HNRNPA3: variants seen among roughly 807,000 people sequenced by gnomAD.
The protein encoded by HNRNPA3 is heterogeneous nuclear ribonucleoprotein A3, also known as epididymis secretory sperm binding protein.
In HNRNPA3, 3 loss-of-function variants were observed where a neutral mutation model predicts 45.8. The ratio of observed to expected loss-of-function variants is 0.07; its 90% confidence interval spans 0.03 to 0.17. The LOEUF is 0.17. Ranked by LOEUF, HNRNPA3 falls within the 10% of genes least tolerant of loss-of-function variation. The pLI is 1.00. For synonymous variants in HNRNPA3, 170 were observed against 155.6 expected, an observed-to-expected ratio of 1.09 and a Z score of -0.69; for missense variants, 183 against 480.3, an observed-to-expected ratio of 0.38 and a Z score of 5.79.
chr2:177,216,900 T>TGGA (rs1389956504), exon 7 of HNRNPA3: 1 of 1,594,402 alleles, frequency 6.3e-7, no homozygotes, highest in African/African-American at 1.4e-5. Flanking sequence ...GAGGTAGTTA[T>TGGA]GGAGGAGGTG....
chr2:177,219,313 G>C (rs1689090345), exon 10 of HNRNPA3: 12 of 1,605,646 alleles, frequency 7.5e-6, no homozygotes, highest in Admixed American at 5.1e-5. Context: ...CAGCAGAAAA[G>C]GGTAGGTATC....
chr2:177,216,634 T>C (rs1688950124), intron 5 of HNRNPA3, 42 bp downstream of exon 5: 1 of 1,612,152 alleles, frequency 6.2e-7, no homozygotes. Context: ...ATATGAGTGG[T>C]GTTTGTAAGG....
At chr2:177,217,638 C>A (rs1689002371) in intron 7 of HNRNPA3, 67 bp from the exon 8 acceptor site, 2 of 1,589,066 alleles carry the variant, frequency 1.3e-6, no homozygotes, top group Non-Finnish European at 1.7e-6. Context: ...TACACACACA[C>A]CAGAATTGAA....
intron 1 of HNRNPA3, among the ~76,000 whole-genome samples, chr2:177,214,566 C>T (rs1216967567): frequency 6.6e-6 from 1 of 152,128 alleles, no homozygotes; most frequent in Admixed American, 6.5e-5. Context: ...GAGGCCGAGG[C>T]GGGCGGATCA....
In HNRNPA3 at chr2:177,219,027, C is replaced by T. The variant is rs1376363104; in HGVS notation, c.962-10C>T. ...TAGGTAAACCACACATAAAACCTTTCTGATTTCAGGTAACTATGGTGGTGG... is the reference window on the plus strand; with the variant it reads ...TAGGTAAACCACACATAAAACCTTTTTGATTTCAGGTAACTATGGTGGTGG... On this transcript the variant is annotated splice_polypyrimidine_tract_variant and intron_variant, in intron 8 of 10. Transcript: ENST00000392524. The T allele has an allele frequency of 1.2e-6, 2 of 1,612,156 alleles. No individual in the cohort carries two copies. The highest frequency in any genetic ancestry group is 1.7e-5 in the Admixed American group (1 of 59,734).
downstream of HNRNPA3, chr2:177,223,072 A>G (rs965273417): frequency 2.6e-5 from 4 of 152,646 alleles, no homozygotes; most frequent in Non-Finnish European, 5.9e-5. Flanking sequence ...ACTTAAAAAA[A>G]AAAATCCTTT....
downstream of HNRNPA3, chr2:177,223,361 T>G (rs2105443774): frequency 6.6e-6 from 1 of 152,208 alleles, no homozygotes; most frequent in African/African-American, 2.4e-5. Context: ...TTGTCGTTTC[T>G]GAAAACTACA....
At chr2:177,221,820 C>T (rs1689196984), downstream of HNRNPA3, 1 of 152,650 alleles carries the variant, frequency 6.6e-6, no homozygotes, top group Admixed American at 6.5e-5. Flanking sequence ...TAGTGAGCAA[C>T]TTTCCAAAAG....
At chr2:177,217,066 C>A in intron 7 of HNRNPA3, 126 bp downstream of exon 7, 2 of 1,049,860 alleles carry the variant, frequency 1.9e-6, no homozygotes, top group Non-Finnish European at 2.7e-6. Flanking sequence ...TATTTCCAAA[C>A]TGTACATGGA....
At chr2:177,217,809 T>C in exon 8 of HNRNPA3, 1 of 1,602,254 alleles carries the variant, frequency 6.2e-7, no homozygotes, top group South Asian at 1.1e-5. Flanking sequence ...AGGTGGAGGA[T>C]ATGATGGTTA....
intron 1 of HNRNPA3, among the ~76,000 whole-genome samples, chr2:177,214,907 C>T (rs1688864507): frequency 6.6e-6 from 1 of 152,182 alleles, no homozygotes; most frequent in Admixed American, 6.5e-5. Flanking sequence ...TAGAAAATGA[C>T]TTACTAGCAA....
In HNRNPA3 at chr2:177,215,271, T is replaced by A. The variant is rs563718543; in HGVS notation, c.73-268T>A. On this transcript the variant is annotated intron_variant, in intron 1 of 10. Coordinates refer to ENST00000392524, the Ensembl canonical transcript of HNRNPA3. ...CACCACGCCCAGCTAATTTTTGTGT[T>A]TTTAGTAGAGATGGGGTTTCGCCGT... 3.3e-5 allele frequency among the ~76,000 whole-genome samples: 5 copies of A among 152,208 alleles called. 1 individual carries two copies. The highest frequency in any genetic ancestry group is 1.2e-4 in the African/African-American group (5 of 41,538).
downstream of HNRNPA3, chr2:177,223,276 T>A (rs1274170779): frequency 2.0e-5 from 3 of 149,940 alleles, no homozygotes; most frequent in Non-Finnish European, 3.0e-5. Flanking sequence ...AAGCAAACAT[T>A]TTTTTTTTAA....
chr2:177,219,018 A>G lies in HNRNPA3; in HGVS notation c.962-19A>G. On this transcript the variant is annotated intron_variant, in intron 8 of 10. Transcript: ENST00000392524. Reference sequence around the variant, plus strand: ...ATGATTGTGTAGGTAAACCACACATAAAACCTTTCTGATTTCAGGTAACTA... The same window carrying G: ...ATGATTGTGTAGGTAAACCACACATGAAACCTTTCTGATTTCAGGTAACTA... The G allele has an allele frequency of 1.2e-6, 2 of 1,611,880 alleles. No individual in the cohort carries two copies. The highest frequency in any genetic ancestry group is 1.7e-6 in the Non-Finnish European group (2 of 1,179,566).
At chr2:177,214,591 C>T (rs934507998) in intron 1 of HNRNPA3, among the ~76,000 whole-genome samples, 1 of 152,120 alleles carries the variant, frequency 6.6e-6, no homozygotes, top group African/African-American at 2.4e-5. Context: ...GTCAGGAGAT[C>T]GAGACCATTC....
At chr2:177,219,308 G>A (rs1256988726) in exon 10 of HNRNPA3, 1 of 1,609,382 alleles carries the variant, frequency 6.2e-7, no homozygotes, top group Non-Finnish European at 8.5e-7. Flanking sequence ...AAAAACAGCA[G>A]AAAAGGGTAG....
At chr2:177,217,258 C>T (rs1208503781) in intron 7 of HNRNPA3, among the ~76,000 whole-genome samples, 2 of 152,088 alleles carry the variant, frequency 1.3e-5, no homozygotes, top group Non-Finnish European at 2.9e-5. Flanking sequence ...ATTTTTCATT[C>T]TTACTAGTGC....
At chr2:177,218,689 A>G (rs937032423) in intron 8 of HNRNPA3, among the ~76,000 whole-genome samples, 1 of 152,232 alleles carries the variant, frequency 6.6e-6, no homozygotes, top group African/African-American at 2.4e-5. Flanking sequence ...GCACTGTTTT[A>G]TTGGACCTAA....
rs181545123 is a variant in HNRNPA3 at position 177,213,424 on chromosome 2, G to C, written c.72+553G>C. Among the ~76,000 whole-genome samples the C allele has an allele frequency of 5.0e-3, 758 of 152,376 alleles. 4 individuals carry two copies. Among genetic ancestry groups the C allele is most frequent in the African/African-American group, 0.017 (722 of 41,590 alleles). On this transcript the variant is annotated intron_variant, in intron 1 of 10. Transcript: ENST00000392524. Reference sequence around the variant, plus strand: ...TGGCCTCGAAGCATGGGGAGGTAGTGCTTTCGCTGAAGTTCTGCCGACGCT... The same window carrying C: ...TGGCCTCGAAGCATGGGGAGGTAGTCCTTTCGCTGAAGTTCTGCCGACGCT...
Sources: allele counts gnomAD v4.1 joint callset (sites outside exome capture counted in the v4.1 genomes callset), GRCh38; gene constraint gnomAD v4.1.1; transcripts MANE v1.5; gene names NCBI Gene and HGNC (gene_info 2026-07-23, HGNC 2026-07-21).